The following OPCML variants were observed in gnomAD, a reference collection of about 807,000 sequenced individuals.
OPCML encodes the protein opioid binding protein/cell adhesion molecule like.
OPCML carries 13 observed loss-of-function variants against 37.8 expected under a neutral mutation model. That is an observed-to-expected ratio of 0.34 (90% CI 0.22 to 0.55). OPCML has a LOEUF of 0.55. Among genes scored for constraint, OPCML ranks in the 20% least tolerant of loss-of-function variants. OPCML has a pLI of 0.91. For synonymous variants in OPCML, 176 were observed against 168.8 expected, an observed-to-expected ratio of 1.04 and a Z score of -0.33; for missense variants, 341 against 435.6, an observed-to-expected ratio of 0.78 and a Z score of 1.93.
intron 2 of OPCML, among the ~76,000 whole-genome samples, chr11:132,874,286 G>T (rs1942926461): frequency 1.3e-5 from 2 of 151,998 alleles, no homozygotes; most frequent in African/African-American, 2.4e-5. Flanking sequence ...CTGAATCTTG[G>T]CTGTCAGGAT....
intron 2 of OPCML, among the ~76,000 whole-genome samples, chr11:132,821,684 G>T (rs1307317095): frequency 6.6e-6 from 1 of 152,154 alleles, no homozygotes; most frequent in African/African-American, 2.4e-5. Context: ...AGGCTGTTGT[G>T]CTGACTTCGA....
rs138783976 is a variant in OPCML at position 133,183,595 on chromosome 11, A to G, written c.62-240585T>C. Among the ~76,000 whole-genome samples the G allele has an allele frequency of 1.2e-3, 182 of 152,330 alleles. 5 individuals carry two copies. In the East Asian group the frequency reaches 0.032, roughly 27 times the overall value. Reference sequence around the variant, plus strand: ...TCCACTCATTTATTAAGGATCTACTATACTGAAAAAATGCTACCTAAATTT... The same window carrying G: ...TCCACTCATTTATTAAGGATCTACTGTACTGAAAAAATGCTACCTAAATTT... On this transcript the variant is annotated intron_variant, in intron 1 of 7. Transcript: ENST00000524381.
intron 1 of OPCML, among the ~76,000 whole-genome samples, chr11:133,347,015 T>C (rs544322749): frequency 5.2e-4 from 79 of 152,340 alleles, no homozygotes; most frequent in African/African-American, 1.8e-3. Flanking sequence ...ATGAATGGTG[T>C]GCATAGTGTT....
intron 3 of OPCML, among the ~76,000 whole-genome samples, chr11:132,635,289 T>C (rs1167451362): frequency 6.6e-6 from 1 of 152,204 alleles, no homozygotes; most frequent in African/African-American, 2.4e-5. Context: ...TTGGTATATT[T>C]TTAAGAAGTC....
chr11:132,939,536 C>A (rs1945503549), intron 2 of OPCML, among the ~76,000 whole-genome samples: 1 of 152,172 alleles, frequency 6.6e-6, no homozygotes, highest in Non-Finnish European at 1.5e-5. Flanking sequence ...GGGAACTTTT[C>A]CCGTTGAGTG....
intron 3 of OPCML, among the ~76,000 whole-genome samples, chr11:132,587,948 C>A (rs2096476603): frequency 6.6e-6 from 1 of 152,152 alleles, no homozygotes; most frequent in Admixed American, 6.5e-5. Flanking sequence ...CCTGTTCTTG[C>A]AATTTCAGGA....
At chr11:133,071,047 G>A (rs998410135) in intron 1 of OPCML, among the ~76,000 whole-genome samples, 2 of 152,142 alleles carry the variant, frequency 1.3e-5, no homozygotes, top group African/African-American at 4.8e-5. Flanking sequence ...CTCCCTGCAG[G>A]GTACGTTCTT....
intron 1 of OPCML, among the ~76,000 whole-genome samples, chr11:133,095,713 A>T (rs1948991100): frequency 6.6e-6 from 1 of 151,284 alleles, no homozygotes; most frequent in African/African-American, 2.4e-5. Context: ...TACAAAAAAA[A>T]ATCAGAGGAA....
At chr11:133,421,479 T>C (rs1207088865) in intron 1 of OPCML, 1 of 985,344 alleles carries the variant, frequency 1.0e-6, no homozygotes, top group Admixed American at 6.1e-5. Flanking sequence ...ATCATTTCTA[T>C]GGCTATCTAC....
intron 3 of OPCML, among the ~76,000 whole-genome samples, chr11:132,594,884 A>C (rs2096490064): frequency 6.6e-6 from 1 of 152,252 alleles, no homozygotes; most frequent in Non-Finnish European, 1.5e-5. Context: ...TGGCAGAGCC[A>C]GAATTACATA....
At chr11:133,242,704 G>A (rs1256883459) in intron 1 of OPCML, among the ~76,000 whole-genome samples, 1 of 152,136 alleles carries the variant, frequency 6.6e-6, no homozygotes, top group Non-Finnish European at 1.5e-5. Flanking sequence ...TGAGGATCAG[G>A]ACTTAAACCT....
chr11:132,800,821 TTCTGA>T (rs1938603956), intron 2 of OPCML, among the ~76,000 whole-genome samples: 1 of 152,182 alleles, frequency 6.6e-6, no homozygotes, highest in East Asian at 1.9e-4. Flanking sequence ...TTTTAAAAGT[TTCTGA>T]TCTAATACCC....
At chr11:133,507,390 C>T (rs559021411) in intron 1 of OPCML, among the ~76,000 whole-genome samples, 6 of 152,286 alleles carry the variant, frequency 3.9e-5, no homozygotes, top group Non-Finnish European at 7.3e-5. Context: ...GAAACATCAG[C>T]GCAGGCAGCA....
At chr11:132,818,601 A>C (rs1939769901) in intron 2 of OPCML, among the ~76,000 whole-genome samples, 1 of 104,102 alleles carries the variant, frequency 9.6e-6, no homozygotes, top group Non-Finnish European at 2.1e-5. Flanking sequence ...ATAGATAGAT[A>C]GATAGATGAT....
chr11:132,640,898 A>G (rs766355791), intron 3 of OPCML, among the ~76,000 whole-genome samples: 6 of 152,306 alleles, frequency 3.9e-5, no homozygotes, highest in Non-Finnish European at 5.9e-5. Context: ...TGACATGACC[A>G]TCAGGGCACA....
chr11:132,834,988 T>TAAAAAA (rs11300115), intron 2 of OPCML, among the ~76,000 whole-genome samples: 13 of 142,972 alleles, frequency 9.1e-5, no homozygotes, highest in Non-Finnish European at 1.5e-4. Flanking sequence ...TGGCACTTTG[T>TAAAAAA]AAAAAAAAAA....
At chr11:132,456,705 C>T (rs1395049338) in intron 4 of OPCML, among the ~76,000 whole-genome samples, 2 of 152,162 alleles carry the variant, frequency 1.3e-5, no homozygotes, top group South Asian at 2.1e-4. Context: ...GTAGTGAACA[C>T]GTAAAGTGCA....
chr11:132,679,113 G>C (rs571800465), intron 2 of OPCML, among the ~76,000 whole-genome samples: 1 of 152,292 alleles, frequency 6.6e-6, no homozygotes, highest in Non-Finnish European at 1.5e-5. Flanking sequence ...TTGTTGGCCA[G>C]GATGTGAAGA....
chr11:133,395,489 A>G (rs540508099), intron 1 of OPCML, among the ~76,000 whole-genome samples: 10 of 152,258 alleles, frequency 6.6e-5, no homozygotes, highest in African/African-American at 2.4e-4. Context: ...TGTCCTGGAA[A>G]GTTTCCCTAA....
Sources: gnomAD v4.1 joint callset for allele counts (sites outside exome capture counted in the v4.1 genomes callset) on GRCh38, gnomAD v4.1.1 for gene constraint, MANE v1.5 for transcripts, NCBI Gene and HGNC (gene_info 2026-07-23, HGNC 2026-07-21) for gene names.